Variants in FAM107B observed in about 807,000 individuals in gnomAD.
FAM107B encodes family with sequence similarity 107 member B.
A neutral mutation model predicts 31.5 loss-of-function variants in FAM107B; 21 were observed. That is an observed-to-expected ratio of 0.67 (90% CI 0.47 to 0.96). The LOEUF (loss-of-function observed/expected upper bound fraction) is 0.96, where lower values mean the gene tolerates loss of function less well. Among genes scored for constraint, FAM107B ranks in the 40% least tolerant of loss-of-function variants. The probability of loss-of-function intolerance (pLI) is 0.00; values close to 1 mark genes in which losing one functional copy is unlikely to be tolerated. For missense variants in FAM107B, 452 were observed against 377.1 expected (o/e 1.20, Z -1.64); for synonymous variants, 157 against 141.5 (o/e 1.11, Z -0.78).
At chr10:14,604,623 G>A (rs1255236016) in intron 2 of FAM107B, among the ~76,000 whole-genome samples, 5 of 151,786 alleles carry the variant, frequency 3.3e-5, no homozygotes, top group African/African-American at 1.2e-4. Context: ...GGGAGCGAGG[G>A]CTGGAGGGAA....
chr10:14,756,842 G>A (rs780871111), intron 1 of FAM107B, among the ~76,000 whole-genome samples: 2 of 152,120 alleles, frequency 1.3e-5, no homozygotes, highest in Non-Finnish European at 2.9e-5. Context: ...AAAAAGAAAC[G>A]AGATCATGTC....
At chr10:14,631,825 A>G (rs1043774736) in intron 2 of FAM107B, among the ~76,000 whole-genome samples, 8 of 152,164 alleles carry the variant, frequency 5.3e-5, no homozygotes, top group African/African-American at 1.9e-4. Context: ...CCAGTGCAAC[A>G]TGGAAATCTG....
chr10:14,619,321 G>A (rs749148620), intron 2 of FAM107B, among the ~76,000 whole-genome samples: 2 of 152,308 alleles, frequency 1.3e-5, no homozygotes, highest in South Asian at 4.1e-4. Context: ...AGCAATGCAT[G>A]AGAGTCCTGG....
At chr10:14,689,335 G>A (rs3107792) in intron 1 of FAM107B, among the ~76,000 whole-genome samples, 46,910 of 148,004 alleles carry the variant, frequency 0.32, 7,592 homozygotes, top group Admixed American at 0.37. Flanking sequence ...AGCTGAGACC[G>A]CACCACTGCA....
chr10:14,720,516 T>C (rs756785684), intron 1 of FAM107B, among the ~76,000 whole-genome samples: 1 of 152,224 alleles, frequency 6.6e-6, no homozygotes, highest in Non-Finnish European at 1.5e-5. Context: ...AGCCTTCCAA[T>C]GTGCCAGGAT....
chr10:14,673,865 G>T (rs1854616217), intron 1 of FAM107B, among the ~76,000 whole-genome samples: 1 of 152,120 alleles, frequency 6.6e-6, no homozygotes, highest in South Asian at 2.1e-4. Flanking sequence ...CTGATGATTA[G>T]TGATGTGGAG....
rs1354065285 is a variant in FAM107B at position 14,767,020 on chromosome 10, G to GTGTATATATATATATATA, written c.411+7232_411+7233insTATATATATATATATACA. Among the ~76,000 whole-genome samples, 5 of 30,396 alleles carry GTGTATATATATATATATA rather than the reference G, an allele frequency of 1.6e-4. 1 individual carries two copies. Among genetic ancestry groups the GTGTATATATATATATATA allele is most frequent in the African/African-American group, 2.6e-4 (3 of 11,724 alleles). The allele number at this position is 30,396 out of a possible 152,430, so 19.9% of individuals were successfully genotyped here. A position where few individuals can be genotyped will look rare whatever the true frequency, so the allele number is the denominator to read the frequency against. ...AACTGCAGAACAATATCCCTGATGT[G>GTGTATATATATATATATA]TATGTATATATATATATATATATAT... On this transcript the variant is annotated intron_variant, in intron 1 of 4. Transcript: ENST00000181796.
intron 2 of FAM107B, among the ~76,000 whole-genome samples, chr10:14,559,312 A>G (rs1588584522): frequency 6.6e-6 from 1 of 152,120 alleles, no homozygotes; most frequent in Non-Finnish European, 1.5e-5. Context: ...TGAGCCAGCC[A>G]CCCACCTGCG....
chr10:14,541,206 T>A (rs945777621), intron 2 of FAM107B, among the ~76,000 whole-genome samples: 1 of 152,118 alleles, frequency 6.6e-6, no homozygotes, highest in Non-Finnish European at 1.5e-5. Context: ...CCCCTCCGGT[T>A]GCCTTTCCCT....
rs187176230 is a variant in FAM107B, at chr10:14,692,041, G to T, written c.412-24350C>A. On this transcript the variant is annotated intron_variant, in intron 1 of 4. Coordinates refer to ENST00000181796, the MANE Select transcript of FAM107B (RefSeq NM_031453.4). ...CTTGACCATGACCAAACGGTGTTTG[G>T]TGAAGAAGAGACAGTTACAGGTTTG... Among the ~76,000 whole-genome samples the T allele has an allele frequency of 3.3e-3, 500 of 152,228 alleles. 2 individuals are homozygous for T. Among genetic ancestry groups the T allele is most frequent in the African/African-American group, 0.011 (467 of 41,538 alleles).
intron 2 of FAM107B, chr10:14,604,113 G>T (rs11259216): frequency 0.22 from 69,498 of 315,980 alleles, 13,061 homozygotes; most frequent in East Asian, 0.67. Context: ...CGCGCACGGG[G>T]ACCCCCCACC....
intron 2 of FAM107B, chr10:14,604,379 C>T: frequency 5.9e-6 from 2 of 338,672 alleles, no homozygotes; most frequent in Non-Finnish European, 8.3e-6. Context: ...GCCCGCAAGC[C>T]AGTCCGGCGC....
chr10:14,718,366 G>A (rs927842498), intron 1 of FAM107B, among the ~76,000 whole-genome samples: 2 of 147,262 alleles, frequency 1.4e-5, no homozygotes, highest in African/African-American at 5.0e-5. Context: ...AGGGAGGGAG[G>A]GAAAGAAAAG....
chr10:14,606,990 T>C (rs565145765), intron 2 of FAM107B, among the ~76,000 whole-genome samples: 4 of 152,322 alleles, frequency 2.6e-5, no homozygotes, highest in African/African-American at 9.6e-5. Context: ...CAAAGATGCA[T>C]TGGATTCAAG....
intron 2 of FAM107B, among the ~76,000 whole-genome samples, chr10:14,585,005 C>T (rs574208567): frequency 2.0e-5 from 3 of 152,264 alleles, no homozygotes; most frequent in African/African-American, 7.2e-5. Context: ...TCCCCTCTTG[C>T]TGATTCAAAT....
chr10:14,767,073 G>T (rs1833191691), intron 1 of FAM107B, among the ~76,000 whole-genome samples: 14 of 74,644 alleles, frequency 1.9e-4, no homozygotes, highest in African/African-American at 3.9e-4. Flanking sequence ...GAGAGAGAGA[G>T]AGAGAGAGAG....
At chr10:14,629,413 T>C (rs1318653453) in intron 2 of FAM107B, among the ~76,000 whole-genome samples, 2 of 842 alleles carry the variant, frequency 2.4e-3, no homozygotes, top group Non-Finnish European at 0.04. Context: ...ATATTTAATA[T>C]ATATAATATA....
At chr10:14,629,301 A>C (rs1236221946) in intron 2 of FAM107B, among the ~76,000 whole-genome samples, 7 of 67,786 alleles carry the variant, frequency 1.0e-4, no homozygotes, top group African/African-American at 4.0e-4. Flanking sequence ...AATTGTATAA[A>C]TATATAATAT....
chr10:14,534,199 T>G (rs1267949779), intron 2 of FAM107B, among the ~76,000 whole-genome samples: 1 of 152,086 alleles, frequency 6.6e-6, no homozygotes, highest in African/African-American at 2.4e-5. Context: ...GGTGGCATGG[T>G]CCCTGCAGCT....
Sources: gnomAD v4.1 joint callset for allele counts (sites outside exome capture counted in the v4.1 genomes callset) on GRCh38, gnomAD v4.1.1 for gene constraint, MANE v1.5 for transcripts, NCBI Gene and HGNC (gene_info 2026-07-23, HGNC 2026-07-21) for gene names.